Variants in HDAC4 observed in about 807,000 individuals in gnomAD.
The protein encoded by HDAC4 is histone deacetylase A.
HDAC4 carries 16 observed loss-of-function variants against 135.1 expected under a neutral mutation model. That is an observed-to-expected ratio of 0.12 (90% CI 0.08 to 0.18). The LOEUF (loss-of-function observed/expected upper bound fraction) is 0.18. Among genes scored for constraint, HDAC4 ranks in the 10% least tolerant of loss-of-function variants. The pLI, the probability that HDAC4 is intolerant of heterozygous loss-of-function variation, is 1.00. For synonymous variants in HDAC4, 685 were observed against 653.4 expected (o/e 1.05, Z -0.74); for missense variants, 1,143 against 1,511.8 (o/e 0.76, Z 4.05).
In HDAC4 at chr2:239,146,751, C is replaced by T. The variant is rs371221405; in HGVS notation, c.734-2037G>A. On this transcript the variant is annotated intron_variant, in intron 7 of 26. Transcript: ENST00000543185. The surrounding 1 kb of genome is among the most constrained non-coding windows in gnomAD (Gnocchi z 4.5). ...TCCCCTTCCACAGGCCTCTGCTCCACGCCCCTCCCAAGGCTGCCCTGACCC... is the reference window on the plus strand; with the variant it reads ...TCCCCTTCCACAGGCCTCTGCTCCATGCCCCTCCCAAGGCTGCCCTGACCC... 7.9e-5 allele frequency among the ~76,000 whole-genome samples: 12 copies of T among 151,546 alleles called. No individual in the cohort carries two copies. Among genetic ancestry groups the T allele is most frequent in the African/African-American group, 1.9e-4 (8 of 41,262 alleles).
chr2:239,227,141 G>A (rs549133393), intron 3 of HDAC4, among the ~76,000 whole-genome samples: 6 of 152,304 alleles, frequency 3.9e-5, no homozygotes, highest in East Asian at 3.9e-4. Context: ...ACAGCCCTCC[G>A]GGGCACAGGG....
intron 2 of HDAC4, among the ~76,000 whole-genome samples, chr2:239,272,729 C>A (rs182268924): frequency 7.2e-4 from 110 of 152,354 alleles, no homozygotes; most frequent in African/African-American, 2.6e-3. Flanking sequence ...CCCCAATGCA[C>A]CCCTGCGCTG....
chr2:239,273,281 G>GT (rs1327781709), intron 2 of HDAC4, among the ~76,000 whole-genome samples: 1 of 152,104 alleles, frequency 6.6e-6, no homozygotes, highest in Non-Finnish European at 1.5e-5. Flanking sequence ...ATCAATGAGA[G>GT]TAACAGCAGC....
intron 5 of HDAC4, among the ~76,000 whole-genome samples, chr2:239,169,196 T>C (rs2043295585): frequency 1.3e-5 from 2 of 152,322 alleles, no homozygotes; most frequent in African/African-American, 4.8e-5. Context: ...AATTTTAAAC[T>C]TCAATTCTTT....
intron 1 of HDAC4, among the ~76,000 whole-genome samples, chr2:239,364,006 C>A (rs1694013459): frequency 1.3e-5 from 2 of 152,194 alleles, no homozygotes; most frequent in Non-Finnish European, 2.9e-5. Flanking sequence ...CGCGATAAAG[C>A]CACAACGGAA....
intron 9 of HDAC4, among the ~76,000 whole-genome samples, chr2:239,138,371 T>A (rs1313460439): frequency 3.9e-5 from 6 of 152,194 alleles, no homozygotes; most frequent in African/African-American, 7.2e-5. Context: ...GAAATGAAAA[T>A]GCTAAACACT....
In HDAC4 at chr2:239,306,149, T is replaced by C. The variant is rs1302281226; in HGVS notation, c.22+46529A>G. ...AGCCTTGCTTCTAGAAACCGAGGAT[T>C]CTGGGTTTGGAGGCACCCCAGCTCT... On this transcript the variant is annotated intron_variant, in intron 2 of 26. Coordinates refer to ENST00000543185, the MANE Select transcript of HDAC4 (RefSeq NM_001378414.1). The surrounding 1 kb of genome is among the most constrained non-coding windows in gnomAD (Gnocchi z 4.5). 6.6e-6 allele frequency among the ~76,000 whole-genome samples: 1 copy of C among 152,226 alleles called. No individual in the cohort carries two copies. Among genetic ancestry groups the C allele is most frequent in the Non-Finnish European group, 1.5e-5 (1 of 68,036 alleles).
intron 3 of HDAC4, 55 bp from the exon 4 acceptor site, chr2:239,190,132 G>A (rs2044823252): frequency 3.3e-6 from 5 of 1,519,552 alleles, no homozygotes; most frequent in Non-Finnish European, 4.4e-6. Context: ...CTGTCCCTGG[G>A]CCCCAGAGCC....
chr2:239,104,631 A>G (rs1193995823), intron 15 of HDAC4, among the ~76,000 whole-genome samples: 2 of 152,248 alleles, frequency 1.3e-5, no homozygotes, highest in Non-Finnish European at 2.9e-5. Context: ...GGGCCTAGGC[A>G]GCCCACGCTT....
intron 14 of HDAC4, among the ~76,000 whole-genome samples, chr2:239,109,076 C>CT (rs1247936135): frequency 6.6e-6 from 1 of 152,244 alleles, no homozygotes; most frequent in Non-Finnish European, 1.5e-5. Context: ...CGGGGCACAG[C>CT]TCTGCCCCGG....
intron 16 of HDAC4, chr2:239,102,488 T>C (rs549209904): frequency 4.2e-5 from 18 of 427,604 alleles, no homozygotes; most frequent in African/African-American, 2.8e-4. Flanking sequence ...GCGGGCAGCA[T>C]GCTGGCTGTG....
Position 239,048,281 on chromosome 2 carries a change from TA to T in HDAC4, c.*4815del, listed in dbSNP as rs1323279654. 1 of 152,278 alleles carries T rather than the reference TA, an allele frequency of 6.6e-6. No homozygotes were observed. The highest frequency in any genetic ancestry group is 1.5e-5 in the Non-Finnish European group (1 of 68,060). The allele number at this position is 152,278 out of a possible 1,614,324, so 9.4% of individuals were successfully genotyped here. A position where few individuals can be genotyped will look rare whatever the true frequency, so the allele number is the denominator to read the frequency against. ...AAAGAAGGTGACCGTCAGAAGAGGA[TA>T]TCATTGGTCGGTGAAAATCCACCCA... On this transcript the variant is annotated 3_prime_UTR_variant, in exon 27 of 27. Transcript: ENST00000543185.
At chr2:239,113,400 C>T (rs79777287) in intron 13 of HDAC4, among the ~76,000 whole-genome samples, 3,788 of 152,318 alleles carry the variant, frequency 0.025, 72 homozygotes, top group Non-Finnish European at 0.034. Flanking sequence ...CTGGGATTGC[C>T]GTGGGCCCCA....
At chr2:239,342,927 T>A (rs546400683) in intron 2 of HDAC4, among the ~76,000 whole-genome samples, 56 of 152,344 alleles carry the variant, frequency 3.7e-4, no homozygotes, top group African/African-American at 1.3e-3. Flanking sequence ...CCAAATCAGC[T>A]GTGCCTAGCT....
chr2:239,348,653 G>A (rs891952502), intron 2 of HDAC4, among the ~76,000 whole-genome samples: 1 of 152,230 alleles, frequency 6.6e-6, no homozygotes, highest in Non-Finnish European at 1.5e-5. Flanking sequence ...CAGAGGCTCT[G>A]TGTCCTGACA....
intron 16 of HDAC4, among the ~76,000 whole-genome samples, chr2:239,096,014 AC>A (rs1192616217): frequency 6.6e-6 from 1 of 151,766 alleles, no homozygotes; most frequent in African/African-American, 2.4e-5. Flanking sequence ...GCTGGGCTGT[AC>A]CCCCCGCTGT....
At chr2:239,254,831 C>G (rs1481100132) in intron 2 of HDAC4, among the ~76,000 whole-genome samples, 1 of 152,174 alleles carries the variant, frequency 6.6e-6, no homozygotes, top group Non-Finnish European at 1.5e-5. Context: ...GAATCGACAT[C>G]TAGACACAGT....
At chr2:239,094,233 T>G (rs2291186) in intron 17 of HDAC4, 221,867 of 985,210 alleles carry the variant, frequency 0.23, 26,768 homozygotes, top group African/African-American at 0.43. Flanking sequence ...ATGGCCGCCC[T>G]CGCTATTGCC....
At chr2:239,312,452 A>G (rs755642228) in intron 2 of HDAC4, among the ~76,000 whole-genome samples, 37 of 152,184 alleles carry the variant, frequency 2.4e-4, no homozygotes, top group Non-Finnish European at 4.4e-4. Flanking sequence ...GTAGTTCCAC[A>G]TTAGGCCCTT....
Sources: allele counts gnomAD v4.1 joint callset (sites outside exome capture counted in the v4.1 genomes callset), GRCh38; gene constraint gnomAD v4.1.1; non-coding constraint Gnocchi (gnomAD v3.1); transcripts MANE v1.5; gene names NCBI Gene and HGNC (gene_info 2026-07-23, HGNC 2026-07-21).